Variants in HLF observed in about 807,000 individuals in gnomAD.
HLF encodes the protein HLF transcription factor, PAR bZIP family member, also known as hepatic leukemia factor.
HLF carries 3 observed loss-of-function variants against 22.6 expected under a neutral mutation model. The observed-to-expected ratio is 0.13, with a 90% CI of 0.06 to 0.34. HLF has a LOEUF of 0.34. Ranked by LOEUF, HLF falls within the 10% of genes least tolerant of loss-of-function variation. The probability of loss-of-function intolerance (pLI) is 1.00; values close to 1 mark genes in which losing one functional copy is unlikely to be tolerated. For synonymous variants in HLF, 151 were observed against 151.8 expected, an observed-to-expected ratio of 0.99 and a Z score of 0.04; for missense variants, 299 against 389.2, an observed-to-expected ratio of 0.77 and a Z score of 1.95.
intron 2 of HLF, among the ~76,000 whole-genome samples, chr17:55,300,538 T>C (rs920282490): frequency 1.3e-5 from 2 of 152,212 alleles, no homozygotes; most frequent in Non-Finnish European, 2.9e-5. Flanking sequence ...ATGAGACATT[T>C]TATTTTCCCT....
At chr17:55,291,547 T>C (rs2081061858) in intron 2 of HLF, among the ~76,000 whole-genome samples, 1 of 152,250 alleles carries the variant, frequency 6.6e-6, no homozygotes, top group Admixed American at 6.5e-5. Context: ...TTTCAAAATA[T>C]TACTGCTTAT....
chr17:55,299,538 G>C (rs2081138433), intron 2 of HLF, among the ~76,000 whole-genome samples: 1 of 152,164 alleles, frequency 6.6e-6, no homozygotes, highest in Admixed American at 6.5e-5. Context: ...AACATACCAA[G>C]ATGCTCTTAT....
intron 2 of HLF, among the ~76,000 whole-genome samples, chr17:55,299,678 G>A (rs146258288): frequency 6.1e-4 from 93 of 152,256 alleles, no homozygotes; most frequent in Middle Eastern, 6.8e-3. Context: ...GGTCTCAAGC[G>A]ATCTTCCCAC....
intron 2 of HLF, among the ~76,000 whole-genome samples, chr17:55,304,496 C>CTG (rs1408210859): frequency 6.6e-6 from 1 of 152,214 alleles, no homozygotes; most frequent in Non-Finnish European, 1.5e-5. Context: ...GCAGATTTTG[C>CTG]TGACACCATA....
chr17:55,277,300 C>T (rs1300536019), intron 2 of HLF, among the ~76,000 whole-genome samples: 4 of 93,270 alleles, frequency 4.3e-5, no homozygotes, highest in South Asian at 4.3e-4. Context: ...CGTGGGCATG[C>T]GTGCATTTGG....
In HLF at chr17:55,321,851, G is replaced by A. The variant is rs1009172067; in HGVS notation, c.*972G>A. On this transcript the variant is annotated 3_prime_UTR_variant, in exon 4 of 4. Coordinates refer to ENST00000226067, the MANE Select transcript of HLF (RefSeq NM_002126.5). ...ATTAGCCTTTGACATTGATGTGTTC[G>A]GTTTTGTTGTTCCCCTTCCCTCACA... The A allele has an allele frequency of 1.7e-5, 4 of 231,982 alleles. No individual in the cohort carries two copies. The highest frequency in any genetic ancestry group is 6.1e-5 in the East Asian group (1 of 16,300). The allele number at this position is 231,982 out of a possible 1,614,324, so 14.4% of individuals were successfully genotyped here. A position where few individuals can be genotyped will look rare whatever the true frequency, so the allele number is the denominator to read the frequency against.
At chr17:55,279,961 G>C (rs1182132475) in intron 2 of HLF, among the ~76,000 whole-genome samples, 1 of 152,142 alleles carries the variant, frequency 6.6e-6, no homozygotes, top group East Asian at 1.9e-4. Context: ...CCGCAAAGGT[G>C]GTGGGATCTA....
intron 2 of HLF, among the ~76,000 whole-genome samples, chr17:55,286,082 T>G (rs190792376): frequency 2.6e-4 from 40 of 152,280 alleles, no homozygotes; most frequent in African/African-American, 7.9e-4. Flanking sequence ...CTGGAACTCT[T>G]GAGTAAGCTA....
chr17:55,321,177 C>A lies in HLF; in HGVS notation c.*298C>A. On this transcript the variant is annotated 3_prime_UTR_variant, in exon 4 of 4. Transcript: ENST00000226067. The stretch of plus-strand genomic sequence containing the variant: ...CATGTCTTTACTAGACTGAGGAGCC[C>A]TCTCGCGGGTCTCCCATCCCCTCCC... 3.1e-6 allele frequency: 1 copy of A among 327,516 alleles called. No individual in the cohort carries two copies. The highest frequency in any genetic ancestry group is 5.7e-6 in the Non-Finnish European group (1 of 175,166). The allele number at this position is 327,516 out of a possible 1,614,324, so 20.3% of individuals were successfully genotyped here. A position where few individuals can be genotyped will look rare whatever the true frequency, so the allele number is the denominator to read the frequency against.
intron 2 of HLF, among the ~76,000 whole-genome samples, chr17:55,291,695 A>G (rs1598398107): frequency 6.6e-6 from 1 of 152,214 alleles, no homozygotes; most frequent in East Asian, 1.9e-4. Context: ...ATTACTTAAG[A>G]AATTTACTTT....
In HLF at chr17:55,267,797, T is replaced by G. The variant is rs760106013; in HGVS notation, c.162T>G (p.Ser54Arg). ...KDKEKKLDDE[S>R]NSPTVPQSAF... ...AGGAAAAGAAGCTGGATGATGAGAGTAACAGCCCGACGGTCCCCCAGTCGG... is the reference window on the plus strand; with the variant it reads ...AGGAAAAGAAGCTGGATGATGAGAGGAACAGCCCGACGGTCCCCCAGTCGG... Residue 54 changes from serine (S) to arginine (R), a missense_variant, in exon 2 of 4, where the codon AGT (serine) becomes AGG (arginine). Ser to Arg is a moderately radical substitution (Grantham distance 110, BLOSUM62 -1). This residue lies in a region of HLF where 72 missense variants were observed against 74.0 expected (regional missense o/e 0.97). Coordinates refer to ENST00000226067, the MANE Select transcript of HLF (RefSeq NM_002126.5). The G allele has an allele frequency of 3.6e-5, 58 of 1,606,584 alleles. No individual in the cohort carries two copies. The highest frequency in any genetic ancestry group is 3.4e-6 in the Non-Finnish European group (4 of 1,174,164).
intron 2 of HLF, among the ~76,000 whole-genome samples, chr17:55,269,623 C>T (rs2080833612): frequency 1.3e-5 from 2 of 152,130 alleles, no homozygotes; most frequent in South Asian, 2.1e-4. Context: ...TAGAAGGATA[C>T]AATTTCTATT....
At chr17:55,318,538 A>G (rs1282227394) in intron 3 of HLF, among the ~76,000 whole-genome samples, 1 of 152,124 alleles carries the variant, frequency 6.6e-6, no homozygotes, top group Non-Finnish European at 1.5e-5. Context: ...GAATTGTCTT[A>G]CACCACATCA....
At chr17:55,303,483 C>T (rs1040652935) in intron 2 of HLF, among the ~76,000 whole-genome samples, 1 of 152,188 alleles carries the variant, frequency 6.6e-6, no homozygotes, top group Non-Finnish European at 1.5e-5. Context: ...AGAAGCATGG[C>T]ATTGTTACCA....
At chr17:55,266,702 A>G in intron 1 of HLF, 1 of 322,682 alleles carries the variant, frequency 3.1e-6, no homozygotes, top group Non-Finnish European at 4.5e-6. Flanking sequence ...GAGATGGTAG[A>G]GGGTTAGAAT....
At chr17:55,288,827 G>T in intron 2 of HLF, 1 of 525,212 alleles carries the variant, frequency 1.9e-6, no homozygotes, top group Non-Finnish European at 2.4e-6. Context: ...GGATTTAGAT[G>T]CTTACAAATA....
At chr17:55,307,749 G>A (rs1299357937) in intron 2 of HLF, among the ~76,000 whole-genome samples, 1 of 151,510 alleles carries the variant, frequency 6.6e-6, no homozygotes, top group Non-Finnish European at 1.5e-5. Flanking sequence ...ACTGTTCTGT[G>A]GGGCTTACAT....
At chr17:55,271,514 A>G (rs1253945404) in intron 2 of HLF, 5 of 152,046 alleles carry the variant, frequency 3.3e-5, no homozygotes, top group African/African-American at 4.8e-5. Context: ...GTGAATATTT[A>G]TTTATTTATT....
chr17:55,319,344 T>A (rs994324113), intron 3 of HLF, among the ~76,000 whole-genome samples: 1 of 152,126 alleles, frequency 6.6e-6, no homozygotes, highest in Non-Finnish European at 1.5e-5. Flanking sequence ...TTCTGAGGGG[T>A]GCAAGCACTG....
Sources: gnomAD v4.1 joint callset for allele counts (sites outside exome capture counted in the v4.1 genomes callset) on GRCh38, gnomAD v4.1.1 for gene constraint, gnomAD v4.1.1 regional missense constraint, MANE v1.5 for transcripts, NCBI Gene and HGNC (gene_info 2026-07-23, HGNC 2026-07-21) for gene names.